Variants in SEM1 observed in about 807,000 individuals in gnomAD.
SEM1 encodes SEM1 26S proteasome subunit, also known as 26S proteasome complex subunit SEM1.
SEM1 carries 3 observed loss-of-function variants against 12.7 expected under a neutral mutation model. The ratio of observed to expected loss-of-function variants is 0.24; its 90% confidence interval spans 0.11 to 0.61. The LOEUF (loss-of-function observed/expected upper bound fraction) is 0.61. Ranked by LOEUF, SEM1 falls within the 20% of genes least tolerant of loss-of-function variation. The pLI is 0.88. For missense variants in SEM1, 59 were observed against 81.3 expected (o/e 0.73, Z 1.06); for synonymous variants, 30 against 27.8 (o/e 1.08, Z -0.25).
intron 2 of SEM1, among the ~76,000 whole-genome samples, chr7:96,549,338 C>A (rs1197431230): frequency 1.3e-5 from 2 of 152,132 alleles, no homozygotes; most frequent in South Asian, 2.1e-4. Flanking sequence ...CTGCTGAGAG[C>A]CCCTGCCAAA....
chr7:96,547,901 T>C (rs1805152573), intron 2 of SEM1, among the ~76,000 whole-genome samples: 1 of 152,112 alleles, frequency 6.6e-6, no homozygotes, highest in African/African-American at 2.4e-5. Context: ...ACGTGTACTG[T>C]AAAGATTGGT....
At chr7:96,646,154 C>A (rs1404246813) in intron 2 of SEM1, among the ~76,000 whole-genome samples, 1 of 152,188 alleles carries the variant, frequency 6.6e-6, no homozygotes, top group Non-Finnish European at 1.5e-5. Flanking sequence ...ATCCAGCCTG[C>A]AGCCTTTTTT....
At chr7:96,552,281 G>A (rs1805306444) in intron 2 of SEM1, among the ~76,000 whole-genome samples, 1 of 151,914 alleles carries the variant, frequency 6.6e-6, no homozygotes, top group Non-Finnish European at 1.5e-5. Flanking sequence ...ATGCTGGTGC[G>A]CTGCACCCAC....
At chr7:96,641,247 C>T (rs2116390828) in intron 2 of SEM1, among the ~76,000 whole-genome samples, 1 of 151,818 alleles carries the variant, frequency 6.6e-6, no homozygotes, top group East Asian at 1.9e-4. Context: ...TCTCTCTTTT[C>T]TTTGAGAAGA....
At chr7:96,566,731 A>T (rs1056629035) in intron 2 of SEM1, among the ~76,000 whole-genome samples, 4 of 151,634 alleles carry the variant, frequency 2.6e-5, no homozygotes, top group Non-Finnish European at 4.4e-5. Flanking sequence ...ATTAATTTTT[A>T]AATTCTCACA....
intron 2 of SEM1, among the ~76,000 whole-genome samples, chr7:96,668,426 A>G (rs140345830): frequency 0.01 from 1,524 of 152,326 alleles, 12 homozygotes; most frequent in Non-Finnish European, 0.016. Context: ...TAAAATAAAT[A>G]AAAATTATAG....
chr7:96,700,756 A>C (rs1790246007), intron 1 of SEM1, among the ~76,000 whole-genome samples: 1 of 152,206 alleles, frequency 6.6e-6, no homozygotes, highest in Admixed American at 6.5e-5. Flanking sequence ...TGAAATAGCT[A>C]ACCAAATAGT....
chr7:96,569,895 T>C (rs1028010322), intron 2 of SEM1, among the ~76,000 whole-genome samples: 11 of 152,142 alleles, frequency 7.2e-5, no homozygotes, highest in Non-Finnish European at 1.2e-4. Flanking sequence ...TAGTGTTTCA[T>C]GGTATATGTA....
At chr7:96,648,839 C>T (rs894827170) in intron 2 of SEM1, among the ~76,000 whole-genome samples, 34 of 152,324 alleles carry the variant, frequency 2.2e-4, no homozygotes, top group Middle Eastern at 3.4e-3. Context: ...GACAAAGCCT[C>T]GGCCACTCAC....
downstream of SEM1, among the ~76,000 whole-genome samples, chr7:96,687,078 A>G (rs941615549): frequency 3.3e-5 from 5 of 152,206 alleles, no homozygotes; most frequent in Non-Finnish European, 7.3e-5. Context: ...AATCAAAACC[A>G]CAATGAGATA....
intron 2 of SEM1, among the ~76,000 whole-genome samples, chr7:96,570,963 CT>C (rs200108908): frequency 0.016 from 2,300 of 143,456 alleles, 44 homozygotes; most frequent in African/African-American, 0.049. Context: ...TGATGATGAG[CT>C]TTTTTTTTTT....
intron 2 of SEM1, among the ~76,000 whole-genome samples, chr7:96,655,024 C>T (rs1809131958): frequency 6.6e-6 from 1 of 152,142 alleles, no homozygotes. Context: ...TGATTGATTG[C>T]TCTAAGCACT....
At chr7:96,657,811 C>G (rs1284673073) in intron 2 of SEM1, among the ~76,000 whole-genome samples, 1 of 152,188 alleles carries the variant, frequency 6.6e-6, no homozygotes, top group Non-Finnish European at 1.5e-5. Flanking sequence ...GTGGCCAGCC[C>G]TTTGCCCAGG....
chr7:96,589,324 C>G (rs1330159327), intron 2 of SEM1, among the ~76,000 whole-genome samples: 7 of 152,202 alleles, frequency 4.6e-5, no homozygotes, highest in Non-Finnish European at 1.0e-4. Flanking sequence ...CGGCCCATCC[C>G]CGGATTAGAG....
rs188925970 is a variant in SEM1 at position 96,515,141 on chromosome 7, A to G, written c.171-8443T>C. On this transcript the variant is annotated intron_variant and NMD_transcript_variant, in intron 2 of 3. Transcript: ENST00000466986. ...AAGGGCAATGTCAATACAATGGAGA[A>G]AATACAGTCTTTCAACAAATGGTGC... 2.8e-3 allele frequency among the ~76,000 whole-genome samples: 421 copies of G among 152,280 alleles called. 2 individuals carry two copies. Among genetic ancestry groups the G allele is most frequent in the African/African-American group, 9.9e-3 (413 of 41,562 alleles).
rs181448098 is a variant in SEM1 at position 96,550,651 on chromosome 7, T to A, written c.171-43953A>T. On this transcript the variant is annotated intron_variant and NMD_transcript_variant, in intron 2 of 3. Coordinates refer to the SEM1 transcript ENST00000466986. ...TTTACAAATTATTTGCTTTTAAAAA[T>A]AAATTAGAGTAGCTCCAGATTATCC... is the stretch of plus-strand genomic sequence containing the variant. Among the ~76,000 whole-genome samples, 74 of 152,276 alleles carry A rather than the reference T, an allele frequency of 4.9e-4. No individual in the cohort carries two copies. The Middle Eastern group carries it at 0.02, about 42-fold the overall frequency.
At chr7:96,680,051 CTGAG>C (rs770925700) in intron 2 of SEM1, among the ~76,000 whole-genome samples, 1 of 152,096 alleles carries the variant, frequency 6.6e-6, no homozygotes, top group Non-Finnish European at 1.5e-5. Flanking sequence ...GGGGATTTTC[CTGAG>C]TAACTCTCAA....
intron 2 of SEM1, among the ~76,000 whole-genome samples, chr7:96,524,946 CTTAA>C (rs1804403471): frequency 6.6e-6 from 1 of 152,030 alleles, no homozygotes; most frequent in South Asian, 2.1e-4. Context: ...ATTAATTAAA[CTTAA>C]TTAAATTAAA....
intron 2 of SEM1, among the ~76,000 whole-genome samples, chr7:96,587,959 G>A (rs189863388): frequency 6.6e-6 from 1 of 152,166 alleles, no homozygotes; most frequent in Non-Finnish European, 1.5e-5. Context: ...AATAGACCTG[G>A]TACCTATACT....
Sources: gnomAD v4.1 joint callset for allele counts (sites outside exome capture counted in the v4.1 genomes callset) on GRCh38, gnomAD v4.1.1 for gene constraint, MANE v1.5 for transcripts, NCBI Gene and HGNC (gene_info 2026-07-23, HGNC 2026-07-21) for gene names.